The following GABRA2 variants were observed in gnomAD, a reference collection of about 807,000 sequenced individuals.
The protein encoded by GABRA2 is gamma-aminobutyric acid receptor subunit alpha-2.
GABRA2 carries 16 observed loss-of-function variants against 48.7 expected under a neutral mutation model. The ratio of observed to expected loss-of-function variants is 0.33; its 90% CI spans 0.22 to 0.50. The LOEUF is 0.50. GABRA2 is among the 20% of genes least tolerant of loss of function. GABRA2 has a pLI of 0.98. For synonymous variants in GABRA2, 185 were observed against 184.5 expected (o/e 1.00, Z -0.02); for missense variants, 275 against 535.6 (o/e 0.51, Z 4.80).
At chr4:46,301,051 T>C (rs372876914) in intron 8 of GABRA2, among the ~76,000 whole-genome samples, 1 of 152,144 alleles carries the variant, frequency 6.6e-6, no homozygotes, top group African/African-American at 2.4e-5. Context: ...AGATCTACTA[T>C]ATAGCATGTG....
chr4:46,284,785 T>A (rs1467997269), intron 8 of GABRA2, among the ~76,000 whole-genome samples: 1 of 151,916 alleles, frequency 6.6e-6, no homozygotes, highest in African/African-American at 2.4e-5. Flanking sequence ...AGCATATTAA[T>A]TTTTTAAAAA....
At chr4:46,267,269 T>C (rs1187923546) in intron 8 of GABRA2, among the ~76,000 whole-genome samples, 7 of 152,074 alleles carry the variant, frequency 4.6e-5, no homozygotes, top group African/African-American at 1.7e-4. Context: ...ATTTCAGTTA[T>C]GATAATTTGA....
chr4:46,282,643 T>A (rs550905976), intron 8 of GABRA2, among the ~76,000 whole-genome samples: 1 of 152,286 alleles, frequency 6.6e-6, no homozygotes, highest in African/African-American at 2.4e-5. Context: ...TCCCAGAAGT[T>A]TATAGAGGTC....
intron 3 of GABRA2, chr4:46,366,434 A>C (rs1714048829): frequency 6.6e-6 from 1 of 152,106 alleles, no homozygotes; most frequent in African/African-American, 2.4e-5. Flanking sequence ...CCTCCTCCAA[A>C]GCATACATAT....
intron 3 of GABRA2, among the ~76,000 whole-genome samples, chr4:46,346,316 C>T (rs1043490856): frequency 6.6e-6 from 1 of 151,720 alleles, no homozygotes; most frequent in Admixed American, 6.6e-5. Flanking sequence ...AGTCAACATA[C>T]ATTTGATAAA....
intron 3 of GABRA2, among the ~76,000 whole-genome samples, chr4:46,362,145 T>A (rs1713307739): frequency 6.6e-6 from 1 of 151,960 alleles, no homozygotes; most frequent in South Asian, 2.1e-4. Context: ...TGGCATGAGA[T>A]TTGGGAGGGG....
At chr4:46,330,864 A>C (rs1731235551) in intron 4 of GABRA2, among the ~76,000 whole-genome samples, 1 of 152,036 alleles carries the variant, frequency 6.6e-6, no homozygotes, top group Non-Finnish European at 1.5e-5. Flanking sequence ...ACTTGATTTT[A>C]GATAGAAGTT....
intron 8 of GABRA2, among the ~76,000 whole-genome samples, chr4:46,290,720 A>G (rs959479470): frequency 2.0e-5 from 3 of 152,180 alleles, no homozygotes; most frequent in Non-Finnish European, 4.4e-5. Flanking sequence ...AGGAATAATT[A>G]TATAGTAATG....
chr4:46,312,809 C>G (rs1002344269), intron 4 of GABRA2, 93 bp from the exon 5 acceptor site: 3 of 662,618 alleles, frequency 4.5e-6, no homozygotes, highest in East Asian at 2.9e-5. Flanking sequence ...TTAATTTAAA[C>G]AGAGAGAGCT....
intron 4 of GABRA2, among the ~76,000 whole-genome samples, chr4:46,330,060 T>C (rs1731068142): frequency 6.6e-6 from 1 of 152,136 alleles, no homozygotes. Context: ...CTCACACGCA[T>C]GTATTCTGAA....
intron 4 of GABRA2, among the ~76,000 whole-genome samples, chr4:46,315,592 C>T (rs1361056312): frequency 6.6e-6 from 1 of 151,926 alleles, no homozygotes; most frequent in African/African-American, 2.4e-5. Context: ...AAAACATAGC[C>T]AGCTCTCTTT....
chr4:46,358,967 A>G (rs1712678635), intron 3 of GABRA2, among the ~76,000 whole-genome samples: 1 of 152,184 alleles, frequency 6.6e-6, no homozygotes, highest in Admixed American at 6.5e-5. Context: ...AATACAGCTC[A>G]TATCTTCATC....
chr4:46,366,730 TA>T (rs750333073), intron 3 of GABRA2: 1 of 152,130 alleles, frequency 6.6e-6, no homozygotes, highest in Non-Finnish European at 1.5e-5. Context: ...TATAATTTAG[TA>T]TGATTCCATT....
At chr4:46,387,503 TAA>T (rs1717629287) in intron 2 of GABRA2, among the ~76,000 whole-genome samples, 1 of 152,288 alleles carries the variant, frequency 6.6e-6, no homozygotes, top group East Asian at 1.9e-4. Flanking sequence ...ACAAATTAAA[TAA>T]GTGTATCACT....
At chr4:46,253,882 C>T (rs1426660918) in intron 9 of GABRA2, among the ~76,000 whole-genome samples, 3 of 151,336 alleles carry the variant, frequency 2.0e-5, no homozygotes, top group East Asian at 3.9e-4. Context: ...AATAAGTCCC[C>T]TCAGTCCATT....
chr4:46,374,030 T>A (rs1715324656), intron 3 of GABRA2, among the ~76,000 whole-genome samples: 1 of 152,256 alleles, frequency 6.6e-6, no homozygotes, highest in East Asian at 1.9e-4. Context: ...TAGCCCACTA[T>A]TTTTTTCTTG....
chr4:46,304,265 C>T (rs984391490), intron 7 of GABRA2, among the ~76,000 whole-genome samples: 4 of 152,154 alleles, frequency 2.6e-5, no homozygotes, highest in African/African-American at 9.7e-5. Flanking sequence ...TGTCTGGCCA[C>T]ATCTACAAGA....
At chr4:46,262,975 AGAGG>A (rs1192920698) in intron 8 of GABRA2, among the ~76,000 whole-genome samples, 14 of 139,248 alleles carry the variant, frequency 1.0e-4, no homozygotes, top group Admixed American at 1.4e-4. Flanking sequence ...AGAGAGAGAG[AGAGG>A]GAGGGAGGGA....
intron 9 of GABRA2, among the ~76,000 whole-genome samples, chr4:46,250,825 T>C (rs188512864): frequency 1.3e-5 from 2 of 151,596 alleles, no homozygotes; most frequent in Admixed American, 6.6e-5. Context: ...TCTTGAGGAA[T>C]CTTATTGGTT....
Sources: allele counts gnomAD v4.1 joint callset (sites outside exome capture counted in the v4.1 genomes callset), GRCh38; gene constraint gnomAD v4.1.1; transcripts MANE v1.5; gene names NCBI Gene and HGNC (gene_info 2026-07-23, HGNC 2026-07-21).